The following PALM2AKAP2 variants were observed in gnomAD, a reference collection of about 807,000 sequenced individuals.
PALM2AKAP2 encodes PALM2-AKAP2 fusion protein.
In PALM2AKAP2, 37 loss-of-function variants were observed where a neutral mutation model predicts 71.5. The ratio of observed to expected loss-of-function variants is 0.52; its 90% CI spans 0.40 to 0.68. The LOEUF is 0.68. Ranked by LOEUF, PALM2AKAP2 falls within the 30% of genes least tolerant of loss-of-function variation. The pLI, the probability that PALM2AKAP2 is intolerant of heterozygous loss-of-function variation, is 0.00. For missense variants in PALM2AKAP2, 1,224 were observed against 1,191.8 expected, an observed-to-expected ratio of 1.03 and a Z score of -0.40; for synonymous variants, 468 against 478.8, an observed-to-expected ratio of 0.98 and a Z score of 0.29.
At position 110,135,172 on chromosome 9, in the gene PALM2AKAP2, A is replaced by AAAAT. The variant is rs1554755284; in HGVS notation, c.157-954_157-953insAATA. 4.3e-4 allele frequency among the ~76,000 whole-genome samples: 26 copies of AAAAT among 61,082 alleles called. 2 individuals carry two copies. Among genetic ancestry groups the AAAAT allele is most frequent in the Admixed American group, 8.6e-4 (4 of 4,676 alleles). 40.1% of individuals were successfully genotyped at this position (61,082 alleles called of 152,430 possible). ...CTCTACAAAAAAAAAAAAATATATA[A>AAAAT]ATATATATATATATATAAATCAGCC... On this transcript the variant is annotated intron_variant, in intron 1 of 3. Transcript: ENST00000374525.
chr9:110,116,415 C>T (rs1019510762), intron 1 of PALM2AKAP2, among the ~76,000 whole-genome samples: 12 of 151,638 alleles, frequency 7.9e-5, no homozygotes, highest in Middle Eastern at 3.4e-3. Context: ...TGCGTGTGCG[C>T]GTGCACGCGC....
At chr9:109,744,468 C>G (rs1031852641) in intron 1 of PALM2AKAP2, among the ~76,000 whole-genome samples, 1 of 152,044 alleles carries the variant, frequency 6.6e-6, no homozygotes, top group Non-Finnish European at 1.5e-5. Context: ...GGGCAATTTT[C>G]GGAGCCTAAT....
chr9:109,717,995 C>A (rs1340098414), intron 1 of PALM2AKAP2, among the ~76,000 whole-genome samples: 2 of 152,176 alleles, frequency 1.3e-5, no homozygotes, highest in Admixed American at 6.5e-5. Flanking sequence ...CCTTTAGTTT[C>A]ACTTATGTAG....
chr9:110,015,059 G>C (rs1272491106), intron 6 of PALM2AKAP2, among the ~76,000 whole-genome samples: 2 of 151,688 alleles, frequency 1.3e-5, no homozygotes, highest in African/African-American at 2.4e-5. Context: ...GTCCACTCTT[G>C]GAGACAATCG....
chr9:110,041,070 A>G (rs909099315), intron 7 of PALM2AKAP2, among the ~76,000 whole-genome samples: 1 of 152,200 alleles, frequency 6.6e-6, no homozygotes, highest in African/African-American at 2.4e-5. Context: ...GCTCCTGTTT[A>G]TTATCAAAGT....
upstream of PALM2AKAP2, among the ~76,000 whole-genome samples, chr9:110,045,231 A>G (rs989490773): frequency 6.6e-6 from 1 of 152,238 alleles, no homozygotes; most frequent in African/African-American, 2.4e-5. Context: ...GGCCTGTGGG[A>G]ACATGTAACA....
At chr9:110,057,443 A>G (rs995985922) in intron 1 of PALM2AKAP2, among the ~76,000 whole-genome samples, 1 of 142,462 alleles carries the variant, frequency 7.0e-6, no homozygotes. Context: ...CAGTGGCGCC[A>G]TCTCAGCTCA....
At chr9:109,949,227 C>A (rs1008332129) in intron 6 of PALM2AKAP2, among the ~76,000 whole-genome samples, 2 of 152,224 alleles carry the variant, frequency 1.3e-5, no homozygotes, top group African/African-American at 4.8e-5. Context: ...GAGCGCATGA[C>A]CTCTTGTAGT....
intron 1 of PALM2AKAP2, among the ~76,000 whole-genome samples, chr9:110,110,460 A>G (rs1835220962): frequency 6.7e-6 from 1 of 149,318 alleles, no homozygotes; most frequent in African/African-American, 2.5e-5. Context: ...ACTGGACCAC[A>G]CTCCTAACTT....
At chr9:110,048,049 C>G (rs888838075), upstream of PALM2AKAP2, among the ~76,000 whole-genome samples, 2 of 152,314 alleles carry the variant, frequency 1.3e-5, no homozygotes, top group East Asian at 3.9e-4. Flanking sequence ...AAGGCTCTGG[C>G]GAGCCAGTGA....
chr9:110,136,403 C>G (rs1363985214), exon 2 of PALM2AKAP2: 1 of 1,614,220 alleles, frequency 6.2e-7, no homozygotes. Flanking sequence ...GATCCGCTAT[C>G]TAGATGAGGT....
intron 2 of PALM2AKAP2, among the ~76,000 whole-genome samples, chr9:109,874,933 T>G (rs1752342): frequency 1 from 151,980 of 152,328 alleles, 75,818 homozygotes; most frequent in Middle Eastern, 1. Flanking sequence ...AAGCTAATAT[T>G]CTCTGTCACT....
At chr9:109,780,106 G>A (rs1445775676), upstream of PALM2AKAP2, among the ~76,000 whole-genome samples, 1 of 151,146 alleles carries the variant, frequency 6.6e-6, no homozygotes, top group South Asian at 2.1e-4. Flanking sequence ...CGCGGCCTCG[G>A]GTCCATCACA....
chr9:109,691,857 TATATATATATAC>T (rs1249153951), intron 1 of PALM2AKAP2, among the ~76,000 whole-genome samples: 5 of 46,768 alleles, frequency 1.1e-4, no homozygotes, highest in South Asian at 1.4e-3. Context: ...TATATATATA[TATATATATATAC>T]ACACACACAC....
intron 1 of PALM2AKAP2, among the ~76,000 whole-genome samples, chr9:109,854,153 G>A (rs1026715793): frequency 1.3e-5 from 2 of 152,098 alleles, no homozygotes; most frequent in African/African-American, 4.8e-5. Flanking sequence ...GTTCCCTGCT[G>A]AACCACCAGG....
At chr9:109,980,842 C>T (rs543072209) in intron 6 of PALM2AKAP2, among the ~76,000 whole-genome samples, 1 of 152,340 alleles carries the variant, frequency 6.6e-6, no homozygotes, top group Admixed American at 6.5e-5. Flanking sequence ...TGTTAAGGCA[C>T]TTTGCCAAAC....
At chr9:109,643,232 G>A (rs138898349) in intron 1 of PALM2AKAP2, among the ~76,000 whole-genome samples, 18 of 152,272 alleles carry the variant, frequency 1.2e-4, no homozygotes, top group African/African-American at 1.7e-4. Context: ...TTGGATATAC[G>A]GAACAGACTC....
intron 1 of PALM2AKAP2, among the ~76,000 whole-genome samples, chr9:109,693,938 G>A (rs1205627099): frequency 1.3e-5 from 2 of 151,876 alleles, no homozygotes; most frequent in Non-Finnish European, 2.9e-5. Context: ...TACCACAACA[G>A]GTTTCCTTTA....
At chr9:109,921,397 A>T (rs73657305) in intron 3 of PALM2AKAP2, among the ~76,000 whole-genome samples, 5,707 of 152,228 alleles carry the variant, frequency 0.037, 116 homozygotes, top group Middle Eastern at 0.068. Context: ...GCCTCTACCC[A>T]CTATGTGCCA....
Sources: allele counts gnomAD v4.1 joint callset (sites outside exome capture counted in the v4.1 genomes callset), GRCh38; gene constraint gnomAD v4.1.1; transcripts MANE v1.5; gene names NCBI Gene and HGNC (gene_info 2026-07-23, HGNC 2026-07-21).